INSIG2: variants seen among roughly 807,000 people sequenced by gnomAD.
INSIG2 encodes the protein insulin-induced gene 2 protein.
A neutral mutation model predicts 27.2 loss-of-function variants in INSIG2; 10 were observed. The observed-to-expected ratio is 0.37, with a 90% CI of 0.23 to 0.62. The LOEUF is 0.62. Ranked by LOEUF, INSIG2 falls within the 20% of genes least tolerant of loss-of-function variation. The pLI is 0.65. For missense variants in INSIG2, 178 were observed against 270.2 expected (o/e 0.66, Z 2.39); for synonymous variants, 97 against 95.8 (o/e 1.01, Z -0.07).
chr2:118,090,641 C>T (rs1389829142), intron 1 of INSIG2, among the ~76,000 whole-genome samples: 3 of 152,062 alleles, frequency 2.0e-5, no homozygotes, highest in African/African-American at 7.2e-5. Context: ...TAGAATTTTT[C>T]AAGTCTGGTG....
intron 3 of INSIG2, 148 bp from the exon 4 acceptor site, chr2:118,106,589 A>G (rs1456945701): frequency 1.6e-6 from 1 of 608,312 alleles, no homozygotes; most frequent in Non-Finnish European, 2.9e-6. Context: ...AATCCCACCT[A>G]GCTTCATACA....
In INSIG2 at chr2:118,108,441, CGT is replaced by C; in HGVS notation, c.*126_*127del. The C allele has an allele frequency of 1.4e-6, 1 of 693,824 alleles. No homozygotes were observed. Among genetic ancestry groups the C allele is most frequent in the Non-Finnish European group, 2.6e-6 (1 of 391,114 alleles). 43.0% of individuals were successfully genotyped at this position (693,824 alleles called of 1,614,324 possible). ...AGGATGCAGTTTTCCCCTTGATTGG[CGT>C]GTGTGTATATATGGATAAATATATA... On this transcript the variant is annotated 3_prime_UTR_variant, in exon 6 of 6. Coordinates refer to ENST00000245787, the MANE Select transcript of INSIG2 (RefSeq NM_016133.4).
intron 3 of INSIG2, among the ~76,000 whole-genome samples, chr2:118,105,448 C>T (rs978125431): frequency 1.3e-5 from 2 of 152,196 alleles, no homozygotes; most frequent in African/African-American, 4.8e-5. Flanking sequence ...TCATTTAATA[C>T]CAAATTCCAC....
rs766839291 is a variant in INSIG2 at position 118,108,376 on chromosome 2, T to C, written c.*54T>C. On this transcript the variant is annotated 3_prime_UTR_variant, in exon 6 of 6. Coordinates refer to ENST00000245787, the MANE Select transcript of INSIG2 (RefSeq NM_016133.4). ...AAAGCAAGATGAAAAGGATGTGAAA[T>C]GGTAGATATACCAACAAAACTTCAG... 1 of 1,374,042 alleles carries C rather than the reference T, an allele frequency of 7.3e-7. No homozygotes were observed. The highest frequency in any genetic ancestry group is 1.2e-5 in the South Asian group (1 of 81,642). The allele number at this position is 1,374,042 out of a possible 1,614,324, so 85.1% of individuals were successfully genotyped here.
intron 2 of INSIG2, 79 bp from the exon 3 acceptor site, chr2:118,103,118 G>C: frequency 1.8e-6 from 2 of 1,101,414 alleles, no homozygotes; most frequent in Non-Finnish European, 2.5e-6. Flanking sequence ...TGCTTGTGGT[G>C]GTTGTAGTGA....
rs535447604 is a variant in INSIG2 at position 118,110,801 on chromosome 2, A to G, written c.*2479A>G. The G allele has an allele frequency of 6.6e-6, 1 of 151,380 alleles. No homozygotes were observed. The highest frequency in any genetic ancestry group is 1.9e-4 in the East Asian group (1 of 5,174). The allele number at this position is 151,380 out of a possible 1,614,324, so 9.4% of individuals were successfully genotyped here. ...GTTGAAAACTGGGGATAAATTCTAC[A>G]AAAGTGCAAGAAAACAATTCAAATT... On this transcript the variant is annotated 3_prime_UTR_variant, in exon 6 of 6. Coordinates refer to ENST00000245787, the MANE Select transcript of INSIG2 (RefSeq NM_016133.4).
At chr2:118,104,058 A>C (rs1241100594) in intron 3 of INSIG2, among the ~76,000 whole-genome samples, 1 of 151,958 alleles carries the variant, frequency 6.6e-6, no homozygotes, top group East Asian at 1.9e-4. Flanking sequence ...ATTTGCTCTG[A>C]CTTTCCTTGG....
Position 118,109,871 on chromosome 2 carries a change from A to G in INSIG2, c.*1549A>G, listed in dbSNP as rs980366574. 3 of 152,544 alleles carry G rather than the reference A, an allele frequency of 2.0e-5. No homozygotes were observed. Among genetic ancestry groups the G allele is most frequent in the Admixed American group, 1.3e-4 (2 of 15,250 alleles). 9.4% of individuals were successfully genotyped at this position (152,544 alleles called of 1,614,324 possible). A position where few individuals can be genotyped will look rare whatever the true frequency, so the allele number is the denominator to read the frequency against. The stretch of plus-strand genomic sequence containing the variant: ...ACTATAATTTATTATTATATCTTCC[A>G]GATAATGTTATTCATTTAGAACAAA... On this transcript the variant is annotated 3_prime_UTR_variant, in exon 6 of 6. Transcript: ENST00000245787.
At chr2:118,096,268 CAATA>C (rs1678401602) in intron 1 of INSIG2, 147 bp from the exon 2 acceptor site, 2 of 251,360 alleles carry the variant, frequency 8.0e-6, no homozygotes, top group South Asian at 9.7e-5. Context: ...TTTTCTTATT[CAATA>C]AATAACTGTT....
chr2:118,096,637 C>A lies in INSIG2; in HGVS notation c.81C>A (p.Asn27Lys). ...CATCTGTCACTAGCCAGAGTGTGAA[C>A]TTGATGATTCGAGGAGTAGTGCTAT... is the stretch of plus-strand genomic sequence containing the variant. ...YISSVTSQSV[N>K]LMIRGVVLFF... Residue 27 changes from asparagine to lysine, a missense_variant, in exon 2 of 6, where the codon AAC becomes AAA. Coordinates refer to ENST00000245787, the MANE Select transcript of INSIG2 (RefSeq NM_016133.4). The A allele has an allele frequency of 6.2e-7, 1 of 1,613,952 alleles. No homozygotes were observed. Among genetic ancestry groups the A allele is most frequent in the Non-Finnish European group, 8.5e-7 (1 of 1,179,964 alleles).
intron 1 of INSIG2, among the ~76,000 whole-genome samples, chr2:118,094,679 T>C (rs1473138628): frequency 6.6e-6 from 1 of 152,210 alleles, no homozygotes; most frequent in Non-Finnish European, 1.5e-5. Context: ...AGAGCTTTGA[T>C]GTGGCATAGC....
chr2:118,105,296 C>G (rs1165060179), intron 3 of INSIG2, among the ~76,000 whole-genome samples: 1 of 152,200 alleles, frequency 6.6e-6, no homozygotes, highest in Non-Finnish European at 1.5e-5. Flanking sequence ...CCACCTCGGT[C>G]TCTCAAAGTG....
rs1558833972 is a variant in INSIG2 at position 118,096,806 on chromosome 2, T to A, written c.244+6T>A. 9 of 1,610,902 alleles carry A rather than the reference T, an allele frequency of 5.6e-6. No individual in the cohort carries two copies. Among genetic ancestry groups the A allele is most frequent in the Non-Finnish European group, 7.6e-6 (9 of 1,179,566 alleles). ...ATGCTGTGGCACGGCTTCAGGTATG[T>A]GTAGGATGTTTCTGTAATGCTTAGA... On this transcript the variant is annotated splice_donor_region_variant and intron_variant, in intron 2 of 5. Transcript: ENST00000245787.
intron 1 of INSIG2, among the ~76,000 whole-genome samples, chr2:118,094,804 C>T (rs972024078): frequency 2.0e-5 from 3 of 152,178 alleles, no homozygotes; most frequent in Non-Finnish European, 2.9e-5. Context: ...AATTCAGCCC[C>T]ATTCTCTGCG....
At chr2:118,101,407 TG>T (rs1377919830) in intron 2 of INSIG2, among the ~76,000 whole-genome samples, 1 of 152,200 alleles carries the variant, frequency 6.6e-6, no homozygotes, top group African/African-American at 2.4e-5. Context: ...TGACATCACA[TG>T]CATAAAAATA....
At chr2:118,105,093 T>A (rs1267878047) in intron 3 of INSIG2, among the ~76,000 whole-genome samples, 1 of 152,198 alleles carries the variant, frequency 6.6e-6, no homozygotes, top group Non-Finnish European at 1.5e-5. Context: ...CAGGCTGGAA[T>A]GCAGTGGCAC....
At chr2:118,104,062 T>C (rs1242118226) in intron 3 of INSIG2, among the ~76,000 whole-genome samples, 1 of 152,188 alleles carries the variant, frequency 6.6e-6, no homozygotes, top group Non-Finnish European at 1.5e-5. Flanking sequence ...GCTCTGACTT[T>C]CCTTGGTAGA....
At chr2:118,091,443 G>A (rs1169447979) in intron 1 of INSIG2, among the ~76,000 whole-genome samples, 1 of 152,142 alleles carries the variant, frequency 6.6e-6, no homozygotes, top group African/African-American at 2.4e-5. Context: ...TAGAGTGAGA[G>A]AATTGTTAGA....
chr2:118,091,056 A>C (rs1471591231), intron 1 of INSIG2, among the ~76,000 whole-genome samples: 7 of 152,224 alleles, frequency 4.6e-5, no homozygotes, highest in Non-Finnish European at 1.0e-4. Context: ...TTTTTAAAAA[A>C]AATTTTGGAG....
Sources: allele counts gnomAD v4.1 joint callset (sites outside exome capture counted in the v4.1 genomes callset), GRCh38; gene constraint gnomAD v4.1.1; transcripts MANE v1.5; gene names NCBI Gene and HGNC (gene_info 2026-07-23, HGNC 2026-07-21).